The following GPATCH2 variants were observed in gnomAD, a reference collection of about 807,000 sequenced individuals.
GPATCH2 encodes the protein G patch domain-containing protein 2.
Under a neutral mutation model 58.0 loss-of-function variants are expected in GPATCH2, and 51 were observed. That is an observed-to-expected ratio of 0.88 (90% CI 0.70 to 1.11). GPATCH2 has a LOEUF of 1.11. GPATCH2 is among the 50% of genes most tolerant of loss of function. The pLI is 0.00. For synonymous variants in GPATCH2, 222 were observed against 218.5 expected (o/e 1.02, Z -0.14); for missense variants, 625 against 652.2 (o/e 0.96, Z 0.45).
In GPATCH2 at chr1:217,441,261, T is replaced by A. The variant is rs1319629281; in HGVS notation, c.1366+7988A>T. On this transcript the variant is annotated intron_variant, in intron 9 of 9. Transcript: ENST00000366935. ...AGAAAAACAAGCAATGGGGAAAGGA[T>A]TCCCTATTTAATAAATGGTGTTGGG... 3.9e-4 allele frequency among the ~76,000 whole-genome samples: 59 copies of A among 152,180 alleles called. 1 individual carries two copies. The highest frequency in any genetic ancestry group is 3.9e-3 in the Admixed American group (59 of 15,284).
chr1:217,450,061 T>C (rs1659587977), intron 8 of GPATCH2, among the ~76,000 whole-genome samples: 1 of 151,922 alleles, frequency 6.6e-6, no homozygotes, highest in Non-Finnish European at 1.5e-5. Context: ...AAAAGTTATA[T>C]AAAAAAATAA....
intron 5 of GPATCH2, among the ~76,000 whole-genome samples, chr1:217,524,492 T>G (rs1465714199): frequency 6.6e-6 from 1 of 151,846 alleles, no homozygotes; most frequent in Non-Finnish European, 1.5e-5. Flanking sequence ...CTCGGCTCTT[T>G]AGGAGGCCAA....
intron 5 of GPATCH2, among the ~76,000 whole-genome samples, chr1:217,529,694 A>T (rs1222447010): frequency 1.3e-5 from 2 of 152,198 alleles, no homozygotes; most frequent in East Asian, 3.9e-4. Flanking sequence ...TGATTCCCAG[A>T]TTCCTGTTCC....
At chr1:217,586,127 A>C (rs901070626) in intron 5 of GPATCH2, among the ~76,000 whole-genome samples, 1 of 152,198 alleles carries the variant, frequency 6.6e-6, no homozygotes, top group African/African-American at 2.4e-5. Context: ...TCTAGACACT[A>C]ATGTAGACTT....
rs1374796586 is a variant in GPATCH2 at position 217,428,177 on chromosome 1, T to C, written c.*2968A>G. On this transcript the variant is annotated 3_prime_UTR_variant, in exon 10 of 10. Coordinates refer to ENST00000366935, the MANE Select transcript of GPATCH2 (RefSeq NM_018040.5). Reference sequence around the variant, plus strand: ...AACAGTCAAGTTGCTAATGTAATCATGCTCAGCGTCTCTAGGCTATTGCAG... The same window carrying C: ...AACAGTCAAGTTGCTAATGTAATCACGCTCAGCGTCTCTAGGCTATTGCAG... 2 of 152,200 alleles carry C rather than the reference T, an allele frequency of 1.3e-5. No homozygotes were observed. Among genetic ancestry groups the C allele is most frequent in the African/African-American group, 4.8e-5 (2 of 41,456 alleles). The allele number at this position is 152,200 out of a possible 1,614,324, so 9.4% of individuals were successfully genotyped here. A position where few individuals can be genotyped will look rare whatever the true frequency, so the allele number is the denominator to read the frequency against.
At position 217,484,556 on chromosome 1, in the gene GPATCH2, T is replaced by TTATATATATATA. The variant is rs60742327; in HGVS notation, c.1277+7112_1277+7123dup. Reference sequence around the variant, plus strand: ...AATAAATCTTTCTATATATAATTATTTATATATATATATATATATATGATG... The same window carrying TTATATATATATA: ...AATAAATCTTTCTATATATAATTATTTATATATATATATATATATATATATATATATATGATG... On this transcript the variant is annotated intron_variant, in intron 8 of 9. Coordinates refer to ENST00000366935, the MANE Select transcript of GPATCH2 (RefSeq NM_018040.5). Among the ~76,000 whole-genome samples the TTATATATATATA allele has an allele frequency of 1.1e-4, 16 of 143,178 alleles. No homozygotes were observed. The South Asian group carries it at 2.0e-3, about 18-fold the overall frequency. The allele number at this position is 143,178 out of a possible 152,430, so 93.9% of individuals were successfully genotyped here. A position where few individuals can be genotyped will look rare whatever the true frequency, so the allele number is the denominator to read the frequency against.
intron 5 of GPATCH2, among the ~76,000 whole-genome samples, chr1:217,545,128 C>T (rs1407498093): frequency 6.6e-6 from 1 of 152,194 alleles, no homozygotes; most frequent in South Asian, 2.1e-4. Flanking sequence ...CTCTCTTTCC[C>T]TTGAAAGCCC....
intron 8 of GPATCH2, among the ~76,000 whole-genome samples, chr1:217,469,212 A>G (rs1470436639): frequency 6.6e-6 from 1 of 152,110 alleles, no homozygotes; most frequent in Non-Finnish European, 1.5e-5. Flanking sequence ...CATCTTTCTA[A>G]TTAGTAATTT....
intron 5 of GPATCH2, among the ~76,000 whole-genome samples, chr1:217,570,760 A>G (rs1448062822): frequency 6.6e-6 from 1 of 152,250 alleles, no homozygotes; most frequent in African/African-American, 2.4e-5. Context: ...AGGTTCACTA[A>G]GAATAAATTC....
intron 5 of GPATCH2, among the ~76,000 whole-genome samples, chr1:217,516,231 T>TA (rs35618356): frequency 2.3e-5 from 3 of 128,554 alleles, no homozygotes; most frequent in Non-Finnish European, 5.2e-5. Flanking sequence ...ATTTTAATTT[T>TA]AAAAAAAAAC....
At chr1:217,602,855 A>G (rs1161776924) in intron 5 of GPATCH2, among the ~76,000 whole-genome samples, 1 of 152,186 alleles carries the variant, frequency 6.6e-6, no homozygotes, top group African/African-American at 2.4e-5. Flanking sequence ...TTCAAAAATA[A>G]CTCACACTTT....
At chr1:217,578,870 G>A (rs1666928573) in intron 5 of GPATCH2, among the ~76,000 whole-genome samples, 1 of 152,164 alleles carries the variant, frequency 6.6e-6, no homozygotes, top group Non-Finnish European at 1.5e-5. Context: ...AATCAAGACT[G>A]CCAGTATTTT....
At chr1:217,579,595 T>A (rs1169520335) in intron 5 of GPATCH2, among the ~76,000 whole-genome samples, 3 of 152,190 alleles carry the variant, frequency 2.0e-5, no homozygotes, top group Admixed American at 1.3e-4. Flanking sequence ...GACATAACAT[T>A]GGGGTTGACC....
chr1:217,594,123 A>C (rs1667713006), intron 5 of GPATCH2, among the ~76,000 whole-genome samples: 1 of 152,090 alleles, frequency 6.6e-6, no homozygotes, highest in African/African-American at 2.4e-5. Context: ...ATAAATGTAA[A>C]ACTAAATTTT....
intron 8 of GPATCH2, among the ~76,000 whole-genome samples, chr1:217,476,866 G>A (rs559674673): frequency 3.7e-4 from 56 of 152,214 alleles, no homozygotes; most frequent in African/African-American, 1.0e-3. Flanking sequence ...AGTTGACTGC[G>A]GGGGCATGCA....
At chr1:217,536,684 C>A (rs1229921235) in intron 5 of GPATCH2, among the ~76,000 whole-genome samples, 1 of 152,042 alleles carries the variant, frequency 6.6e-6, no homozygotes, top group Non-Finnish European at 1.5e-5. Flanking sequence ...CTTAAAAAAA[C>A]AGATGTATGG....
chr1:217,530,264 C>T (rs571732112), intron 5 of GPATCH2, among the ~76,000 whole-genome samples: 1 of 152,188 alleles, frequency 6.6e-6, no homozygotes, highest in African/African-American at 2.4e-5. Flanking sequence ...TGGAGCCAGA[C>T]TGCCTGGGTC....
At chr1:217,504,218 T>C (rs1662441219) in intron 6 of GPATCH2, among the ~76,000 whole-genome samples, 1 of 152,052 alleles carries the variant, frequency 6.6e-6, no homozygotes, top group Admixed American at 6.6e-5. Context: ...AGGAATAATC[T>C]GAAAGGGACA....
chr1:217,463,569 C>A (rs1418701830), intron 8 of GPATCH2, among the ~76,000 whole-genome samples: 2 of 135,948 alleles, frequency 1.5e-5, no homozygotes, highest in Admixed American at 7.8e-5. Context: ...CTTTGGGAGG[C>A]TGAGATGGGA....
Sources: allele counts gnomAD v4.1 joint callset (sites outside exome capture counted in the v4.1 genomes callset), GRCh38; gene constraint gnomAD v4.1.1; transcripts MANE v1.5; gene names NCBI Gene and HGNC (gene_info 2026-07-23, HGNC 2026-07-21).